MYO3A: variants seen among roughly 807,000 people sequenced by gnomAD.
MYO3A encodes myosin IIIA.
A neutral mutation model predicts 192.7 loss-of-function variants in MYO3A; 180 were observed. That is an observed-to-expected ratio of 0.93 (90% confidence interval 0.83 to 1.06). The LOEUF (loss-of-function observed/expected upper bound fraction) is 1.06, where lower values mean the gene tolerates loss of function less well. Ranked by LOEUF, MYO3A falls within the 50% of genes least tolerant of loss-of-function variation. The pLI, the probability that MYO3A is intolerant of heterozygous loss-of-function variation, is 0.00. For missense variants in MYO3A, 1,896 were observed against 1,905.0 expected, an observed-to-expected ratio of 1.00 and a Z score of 0.09; for synonymous variants, 628 against 645.3, an observed-to-expected ratio of 0.97 and a Z score of 0.41.
intron 2 of MYO3A, among the ~76,000 whole-genome samples, chr10:25,943,265 G>A (rs1836617867): frequency 1.3e-5 from 2 of 151,980 alleles, no homozygotes; most frequent in African/African-American, 4.8e-5. Flanking sequence ...ATGTGTACCA[G>A]TACCACAATG....
At chr10:25,953,071 G>A (rs1409743773) in intron 3 of MYO3A, among the ~76,000 whole-genome samples, 1 of 151,874 alleles carries the variant, frequency 6.6e-6, no homozygotes, top group African/African-American at 2.4e-5. Context: ...TCAGTAATCA[G>A]ATGCTCCCCA....
Position 26,205,510 on chromosome 10 carries a change from A to G in MYO3A, c.4730+2403A>G, listed in dbSNP as rs561811874. On this transcript the variant is annotated intron_variant, in intron 34 of 34. Coordinates refer to ENST00000642920, the MANE Select transcript of MYO3A (RefSeq NM_017433.5). ...GGGGCTTCCATGTATAAGTGAGATC[A>G]TGCTATATTTGTCTTTCTGCACCTG... is the stretch of plus-strand genomic sequence containing the variant. Among the ~76,000 whole-genome samples, 37 of 139,590 alleles carry G rather than the reference A, an allele frequency of 2.7e-4. No individual in the cohort carries two copies. In the East Asian group the frequency reaches 7.5e-3, roughly 28 times the overall value. 91.6% of individuals were successfully genotyped at this position (139,590 alleles called of 152,430 possible).
Position 26,212,453 on chromosome 10 carries a change from G to T in MYO3A, c.*490G>T. 1 of 214,622 alleles carries T rather than the reference G, an allele frequency of 4.7e-6. No individual in the cohort carries two copies. The highest frequency in any genetic ancestry group is 9.6e-5 in the East Asian group (1 of 10,430). 13.3% of individuals were successfully genotyped at this position (214,622 alleles called of 1,614,324 possible). On this transcript the variant is annotated 3_prime_UTR_variant, in exon 35 of 35. Coordinates refer to ENST00000642920, the MANE Select transcript of MYO3A (RefSeq NM_017433.5). ...CGGGAGGGGTGGGGAGAATTTCGAA[G>T]ATGTATTTCATCTCAAGCTTGCTCT...
At chr10:26,136,554 A>C (rs1490984953) in intron 20 of MYO3A, among the ~76,000 whole-genome samples, 1 of 152,256 alleles carries the variant, frequency 6.6e-6, no homozygotes, top group Non-Finnish European at 1.5e-5. Flanking sequence ...AACTGTCAGA[A>C]GGTAGTAGAG....
intron 7 of MYO3A, among the ~76,000 whole-genome samples, chr10:26,018,917 A>G (rs1842124784): frequency 6.6e-6 from 1 of 152,224 alleles, no homozygotes; most frequent in South Asian, 2.1e-4. Context: ...ACACTCTAGC[A>G]AACAAAGTTA....
intron 32 of MYO3A, among the ~76,000 whole-genome samples, chr10:26,198,298 C>T (rs548032353): frequency 8.5e-5 from 13 of 152,232 alleles, no homozygotes; most frequent in African/African-American, 1.7e-4. Context: ...TGAGCCAAGC[C>T]GCAGAAGCGT....
intron 4 of MYO3A, among the ~76,000 whole-genome samples, chr10:25,980,640 T>A (rs899881859): frequency 1.3e-5 from 2 of 152,228 alleles, no homozygotes; most frequent in Non-Finnish European, 2.9e-5. Context: ...TATATTGAAC[T>A]TGGATTAATT....
Position 26,211,860 on chromosome 10 carries a change from G to T in MYO3A, c.4748G>T (p.Ser1583Ile), listed in dbSNP as rs750024323. The change falls in exon 35 of 35, where the codon AGC becomes ATC. Residue 1583 changes from serine to isoleucine, a missense_variant. Coordinates refer to ENST00000642920, the MANE Select transcript of MYO3A (RefSeq NM_017433.5). ...ACTTGCAGGTGCTGGGCGGCGGAGA[G>T]CCCCGAGAAGGAGGAGGAGAGAGAG... ...KANERCWAAE[S>I]PEKEEEREPA... 3.7e-6 allele frequency: 6 copies of T among 1,613,970 alleles called. No individual in the cohort carries two copies. The highest frequency in any genetic ancestry group is 5.1e-6 in the Non-Finnish European group (6 of 1,180,014).
chr10:25,949,066 G>A (rs1837039398), intron 2 of MYO3A, among the ~76,000 whole-genome samples: 1 of 151,866 alleles, frequency 6.6e-6, no homozygotes, highest in Non-Finnish European at 1.5e-5. Flanking sequence ...ATCTTTTCCT[G>A]GTCAGTTCAG....
intron 2 of MYO3A, 53 bp from the exon 3 acceptor site, chr10:25,952,041 G>T (rs1837236951): frequency 2.2e-6 from 3 of 1,364,706 alleles, no homozygotes; most frequent in African/African-American, 2.9e-5. Context: ...GTTTGTGTGT[G>T]CCATTTGATA....
At chr10:26,178,617 T>G (rs541147878) in intron 31 of MYO3A, among the ~76,000 whole-genome samples, 1 of 151,430 alleles carries the variant, frequency 6.6e-6, no homozygotes, top group South Asian at 2.1e-4. Context: ...TACCCAGGTG[T>G]GGGATTTCAT....
chr10:26,101,595 G>T (rs189979530), intron 17 of MYO3A, among the ~76,000 whole-genome samples: 1 of 152,170 alleles, frequency 6.6e-6, no homozygotes, highest in Non-Finnish European at 1.5e-5. Flanking sequence ...AGGCCTGGTG[G>T]TGACAAAATC....
intron 14 of MYO3A, among the ~76,000 whole-genome samples, chr10:26,078,483 TTTTG>T (rs931333450): frequency 2.0e-5 from 3 of 152,074 alleles, no homozygotes; most frequent in African/African-American, 7.2e-5. Flanking sequence ...TTGTGGGGTT[TTTTG>T]TTTGTTTGTT....
chr10:26,071,726 C>G (rs144468969), intron 14 of MYO3A, among the ~76,000 whole-genome samples: 1 of 151,968 alleles, frequency 6.6e-6, no homozygotes, highest in East Asian at 1.9e-4. Context: ...GTCACTTCAC[C>G]AAAGAGGATA....
chr10:26,092,752 G>T (rs972545661), intron 15 of MYO3A, among the ~76,000 whole-genome samples: 1 of 152,188 alleles, frequency 6.6e-6, no homozygotes, highest in East Asian at 1.9e-4. Context: ...CACAATAAGA[G>T]AAATTATATT....
At chr10:26,135,292 T>A (rs1373175551) in intron 20 of MYO3A, among the ~76,000 whole-genome samples, 1 of 152,080 alleles carries the variant, frequency 6.6e-6, no homozygotes, top group Non-Finnish European at 1.5e-5. Flanking sequence ...AAGAGCACCT[T>A]TTTCTTCTTC....
intron 23 of MYO3A, among the ~76,000 whole-genome samples, chr10:26,149,996 T>G (rs574701351): frequency 2.0e-5 from 3 of 152,048 alleles, no homozygotes; most frequent in African/African-American, 7.2e-5. Context: ...TCACTTATAG[T>G]GTCCTTCAGG....
chr10:26,016,704 C>G, intron 6 of MYO3A, 116 bp from the exon 7 acceptor site: 1 of 962,828 alleles, frequency 1.0e-6, no homozygotes, highest in Non-Finnish European at 1.6e-6. Flanking sequence ...ACTAGGTCCA[C>G]TGGCAGGTTT....
At chr10:25,984,375 A>G (rs1588703117) in intron 4 of MYO3A, among the ~76,000 whole-genome samples, 1 of 152,192 alleles carries the variant, frequency 6.6e-6, no homozygotes, top group East Asian at 1.9e-4. Flanking sequence ...AGACTCACCT[A>G]ACACATAAGA....
Sources: allele counts gnomAD v4.1 joint callset (sites outside exome capture counted in the v4.1 genomes callset), GRCh38; gene constraint gnomAD v4.1.1; transcripts MANE v1.5; gene names NCBI Gene and HGNC (gene_info 2026-07-23, HGNC 2026-07-21).